The following SOX5 variants were observed in gnomAD, a reference collection of about 807,000 sequenced individuals.
The protein encoded by SOX5 is SRY-box transcription factor 5.
SOX5 carries 9 observed loss-of-function variants against 92.0 expected under a neutral mutation model. The observed-to-expected ratio is 0.10, with a 90% CI of 0.06 to 0.17. The LOEUF is 0.17. Among genes scored for constraint, SOX5 ranks in the 10% least tolerant of loss-of-function variants. The probability of loss-of-function intolerance (pLI) is 1.00; values close to 1 mark genes in which losing one functional copy is unlikely to be tolerated. For synonymous variants in SOX5, 344 were observed against 336.3 expected (o/e 1.02, Z -0.25); for missense variants, 642 against 944.5 (o/e 0.68, Z 4.20).
Position 24,084,083 on chromosome 12 carries a change from A to C in SOX5, c.-2+129260T>G, listed in dbSNP as rs16927152. ...AAAAAATCTGTATGATTTGGAAACC[A>C]CAGATATGGTGGGCAAAAGAGGAAG... On this transcript the variant is annotated intron_variant, in intron 4 of 4. Coordinates refer to the SOX5 transcript ENST00000446891. 2.9e-3 allele frequency among the ~76,000 whole-genome samples: 441 copies of C among 152,198 alleles called. 8 individuals carry two copies. Among genetic ancestry groups the C allele is most frequent in the East Asian group, 0.026 (133 of 5,176 alleles).
intron 2 of SOX5, among the ~76,000 whole-genome samples, chr12:23,881,554 A>G (rs1170986922): frequency 6.6e-6 from 1 of 152,196 alleles, no homozygotes; most frequent in Non-Finnish European, 1.5e-5. Flanking sequence ...CGGCTTTTAT[A>G]TTTCAATCTG....
intron 1 of SOX5, among the ~76,000 whole-genome samples, chr12:24,451,599 A>T (rs533450044): frequency 6.6e-6 from 1 of 152,316 alleles, no homozygotes; most frequent in East Asian, 1.9e-4. Flanking sequence ...TGAATATCTA[A>T]TATTAACTCT....
intron 4 of SOX5, among the ~76,000 whole-genome samples, chr12:24,212,814 TGG>T (rs1958776848): frequency 6.6e-6 from 1 of 152,196 alleles, no homozygotes; most frequent in African/African-American, 2.4e-5. Flanking sequence ...ATTTCATACA[TGG>T]TAGTCAATAT....
At chr12:23,896,779 T>C (rs2097182540) in intron 1 of SOX5, among the ~76,000 whole-genome samples, 1 of 150,652 alleles carries the variant, frequency 6.6e-6, no homozygotes, top group Non-Finnish European at 1.5e-5. Flanking sequence ...ACTCTATGAA[T>C]GATTTAGATG....
At chr12:24,157,816 T>C (rs1952346872) in intron 4 of SOX5, among the ~76,000 whole-genome samples, 1 of 151,984 alleles carries the variant, frequency 6.6e-6, no homozygotes, top group Non-Finnish European at 1.5e-5. Context: ...GAACAAGAAA[T>C]AGAGTAATAA....
At chr12:24,288,127 T>C (rs1946131930) in intron 2 of SOX5, among the ~76,000 whole-genome samples, 1 of 152,244 alleles carries the variant, frequency 6.6e-6, no homozygotes, top group Admixed American at 6.5e-5. Context: ...AGGGTGATTA[T>C]GTCCCTGGGG....
chr12:23,720,623 TAC>T (rs2092761955), intron 6 of SOX5, among the ~76,000 whole-genome samples: 2 of 152,098 alleles, frequency 1.3e-5, no homozygotes, highest in African/African-American at 2.4e-5. Flanking sequence ...TAAAAAAAAA[TAC>T]AGAGACTATT....
intron 1 of SOX5, among the ~76,000 whole-genome samples, chr12:24,407,881 T>C (rs970601775): frequency 2.0e-5 from 3 of 152,224 alleles, no homozygotes; most frequent in African/African-American, 7.2e-5. Flanking sequence ...TCGAGGTTTC[T>C]ATCCAAGACT....
intron 4 of SOX5, among the ~76,000 whole-genome samples, chr12:24,046,980 C>T (rs1358159714): frequency 6.6e-6 from 1 of 152,192 alleles, no homozygotes; most frequent in Non-Finnish European, 1.5e-5. Flanking sequence ...AGCCACCGCT[C>T]CCGGCCCTGA....
At chr12:24,030,699 T>G (rs1955407403) in intron 4 of SOX5, among the ~76,000 whole-genome samples, 1 of 151,786 alleles carries the variant, frequency 6.6e-6, no homozygotes, top group Admixed American at 6.6e-5. Flanking sequence ...AATGGGATTA[T>G]ATCAAACTAA....
chr12:24,253,975 C>T (rs1481883446), intron 3 of SOX5, among the ~76,000 whole-genome samples: 1 of 152,106 alleles, frequency 6.6e-6, no homozygotes, highest in East Asian at 1.9e-4. Flanking sequence ...GTAAGTACCT[C>T]ACTGTTTTGG....
chr12:23,854,473 G>A (rs1201172925), intron 2 of SOX5, among the ~76,000 whole-genome samples: 1 of 151,322 alleles, frequency 6.6e-6, no homozygotes, highest in African/African-American at 2.4e-5. Flanking sequence ...GTATAATCTA[G>A]GGCAATTGTC....
In SOX5 at chr12:23,534,192, A is replaced by C. The variant is rs1251177082; in HGVS notation, c.*27T>G. On this transcript the variant is annotated 3_prime_UTR_variant, in exon 15 of 15. Coordinates refer to ENST00000451604, the MANE Select transcript of SOX5 (RefSeq NM_006940.6). ...ACCAGTTAGGGCTTCTTTAAGTCCT[A>C]AGGTCACAACAATCTTTTGACCCTT... 6.2e-7 allele frequency: 1 copy of C among 1,600,848 alleles called. No individual in the cohort carries two copies.
intron 6 of SOX5, among the ~76,000 whole-genome samples, chr12:23,709,860 G>A (rs2091863893): frequency 6.6e-6 from 1 of 152,108 alleles, no homozygotes; most frequent in Admixed American, 6.6e-5. Flanking sequence ...GAAACTGGAT[G>A]AATTTTGAAC....
intron 6 of SOX5, among the ~76,000 whole-genome samples, chr12:23,682,220 T>G (rs1858296843): frequency 6.6e-6 from 1 of 151,860 alleles, no homozygotes; most frequent in African/African-American, 2.4e-5. Flanking sequence ...GATTTAGTGC[T>G]GTACAAAAAT....
Position 24,053,872 on chromosome 12 carries a change from T to C in SOX5, c.-1-157848A>G, listed in dbSNP as rs568778560. Among the ~76,000 whole-genome samples, 51 of 152,316 alleles carry C rather than the reference T, an allele frequency of 3.3e-4. No homozygotes were observed. In the South Asian group the frequency reaches 9.7e-3, roughly 29 times the overall value. On this transcript the variant is annotated intron_variant, in intron 4 of 4. Transcript: ENST00000446891. ...CTCCAATCTTTATAGCAACCTAACA[T>C]AGCAGGTATGATTACTGCTTTTGTA...
intron 8 of SOX5, among the ~76,000 whole-genome samples, chr12:23,627,865 G>T (rs1453108930): frequency 6.6e-6 from 1 of 151,612 alleles, no homozygotes; most frequent in Non-Finnish European, 1.5e-5. Flanking sequence ...AGTCATGAAA[G>T]TTATCTAACT....
At chr12:24,178,938 G>A (rs1158697681) in intron 4 of SOX5, among the ~76,000 whole-genome samples, 1 of 152,172 alleles carries the variant, frequency 6.6e-6, no homozygotes, top group Non-Finnish European at 1.5e-5. Flanking sequence ...AACAGAATTG[G>A]AGGACGATTT....
intron 1 of SOX5, among the ~76,000 whole-genome samples, chr12:24,426,541 T>C (rs1966792639): frequency 6.6e-6 from 1 of 152,162 alleles, no homozygotes; most frequent in Non-Finnish European, 1.5e-5. Flanking sequence ...ACATTTATCA[T>C]TGAAGGTGAG....
Sources: allele counts gnomAD v4.1 joint callset (sites outside exome capture counted in the v4.1 genomes callset), GRCh38; gene constraint gnomAD v4.1.1; transcripts MANE v1.5; gene names NCBI Gene and HGNC (gene_info 2026-07-23, HGNC 2026-07-21).